Variants in LSAMP observed in about 807,000 individuals in gnomAD.
LSAMP encodes the protein limbic system-associated membrane protein.
A neutral mutation model predicts 38.6 loss-of-function variants in LSAMP; 7 were observed. The observed-to-expected ratio is 0.18, with a 90% CI of 0.10 to 0.34. The LOEUF (loss-of-function observed/expected upper bound fraction) is 0.34. Ranked by LOEUF, LSAMP falls within the 10% of genes least tolerant of loss-of-function variation. The pLI, the probability that LSAMP is intolerant of heterozygous loss-of-function variation, is 1.00. For synonymous variants in LSAMP, 154 were observed against 166.8 expected (o/e 0.92, Z 0.59); for missense variants, 313 against 420.0 (o/e 0.75, Z 2.23).
At chr3:116,037,271 G>A (rs527504529) in intron 2 of LSAMP, among the ~76,000 whole-genome samples, 63 of 152,206 alleles carry the variant, frequency 4.1e-4, no homozygotes, top group African/African-American at 1.5e-3. Flanking sequence ...TATATTTCTA[G>A]TACAGAAGCT....
chr3:116,072,229 C>A (rs1037576876), intron 2 of LSAMP, among the ~76,000 whole-genome samples: 1 of 152,138 alleles, frequency 6.6e-6, no homozygotes, highest in Non-Finnish European at 1.5e-5. Context: ...CCCACCTCGG[C>A]CTCCCAAAGT....
chr3:116,383,737 G>T (rs2048591515), intron 1 of LSAMP, among the ~76,000 whole-genome samples: 1 of 152,114 alleles, frequency 6.6e-6, no homozygotes, highest in Admixed American at 6.5e-5. Flanking sequence ...TAGAAAAGTA[G>T]ATATAAAGTA....
chr3:115,986,144 A>G (rs1939503329), intron 3 of LSAMP, among the ~76,000 whole-genome samples: 1 of 152,182 alleles, frequency 6.6e-6, no homozygotes, highest in South Asian at 2.1e-4. Context: ...GAATTTTAAA[A>G]GACTTAGAAT....
intron 6 of LSAMP, among the ~76,000 whole-genome samples, chr3:115,830,998 A>G (rs955611088): frequency 6.6e-6 from 1 of 152,118 alleles, no homozygotes; most frequent in Non-Finnish European, 1.5e-5. Flanking sequence ...TGTGGTTTGG[A>G]TTTTAATTTC....
At chr3:116,166,386 TGTC>T (rs1176853521) in intron 1 of LSAMP, among the ~76,000 whole-genome samples, 1 of 152,240 alleles carries the variant, frequency 6.6e-6, no homozygotes, top group African/African-American at 2.4e-5. Flanking sequence ...TTCAGTGACT[TGTC>T]TGTATCCACA....
chr3:115,989,730 G>A (rs538506376), intron 3 of LSAMP, among the ~76,000 whole-genome samples: 5 of 151,986 alleles, frequency 3.3e-5, no homozygotes, highest in Non-Finnish European at 5.9e-5. Flanking sequence ...CTTAGTCTCC[G>A]GAATTATTGT....
intron 3 of LSAMP, among the ~76,000 whole-genome samples, chr3:115,868,602 T>C (rs1199511916): frequency 1.3e-5 from 2 of 152,096 alleles, no homozygotes; most frequent in Non-Finnish European, 2.9e-5. Context: ...TATTTTTCAC[T>C]AAAGAGTTGA....
chr3:116,152,991 A>C (rs1160301118), intron 1 of LSAMP, among the ~76,000 whole-genome samples: 5 of 152,030 alleles, frequency 3.3e-5, no homozygotes, highest in African/African-American at 1.2e-4. Flanking sequence ...ACTCAAAAGG[A>C]GATTAGAATT....
intron 6 of LSAMP, among the ~76,000 whole-genome samples, chr3:115,818,730 AATTTATATATATATAT>A (rs1934111925): frequency 7.3e-6 from 1 of 137,412 alleles, no homozygotes; most frequent in Non-Finnish European, 1.6e-5. Context: ...AAGTCCAAAG[AATTTATATATATATAT>A]AATAAATTAT....
chr3:116,415,097 A>T (rs2049031600), intron 1 of LSAMP, among the ~76,000 whole-genome samples: 1 of 152,078 alleles, frequency 6.6e-6, no homozygotes, highest in South Asian at 2.1e-4. Flanking sequence ...AACGAAAAAA[A>T]AAATCTGCTT....
intron 4 of LSAMP, among the ~76,000 whole-genome samples, chr3:115,848,104 G>GGT (rs1935218265): frequency 6.6e-6 from 1 of 152,190 alleles, no homozygotes; most frequent in Non-Finnish European, 1.5e-5. Context: ...AACTAAAGAT[G>GGT]AGCATGGAGA....
rs117301303 is a variant in LSAMP, at chr3:116,275,730, G to T, written c.155+169147C>A. On this transcript the variant is annotated intron_variant, in intron 1 of 6. Transcript: ENST00000490035. ...CTAAATCATTGCTAGCAATAATGAG[G>T]TTGTCTACACTCCCCTTCTCTCCTC... Among the ~76,000 whole-genome samples the T allele has an allele frequency of 2.0e-3, 302 of 152,158 alleles. 4 individuals carry two copies. In the East Asian group the frequency reaches 0.052, roughly 26 times the overall value.
intron 1 of LSAMP, among the ~76,000 whole-genome samples, chr3:116,099,004 T>G (rs1302967399): frequency 6.6e-6 from 1 of 152,188 alleles, no homozygotes; most frequent in Non-Finnish European, 1.5e-5. Context: ...CATAAAGCAC[T>G]AACGCTGGTA....
chr3:116,117,741 G>C (rs1289065600), intron 1 of LSAMP, among the ~76,000 whole-genome samples: 1 of 151,954 alleles, frequency 6.6e-6, no homozygotes, highest in East Asian at 1.9e-4. Context: ...GATTAGACTA[G>C]GGCTATGTGT....
chr3:116,004,001 G>A (rs921561960), intron 3 of LSAMP, among the ~76,000 whole-genome samples: 7 of 152,190 alleles, frequency 4.6e-5, no homozygotes, highest in African/African-American at 1.7e-4. Context: ...TGATGGTGCA[G>A]ATGTCAAGAT....
chr3:116,095,341 CT>C (rs1708204830), intron 1 of LSAMP, among the ~76,000 whole-genome samples: 1 of 152,192 alleles, frequency 6.6e-6, no homozygotes, highest in Non-Finnish European at 1.5e-5. Context: ...TGCTTTTTGT[CT>C]CTTACTATCA....
intron 3 of LSAMP, among the ~76,000 whole-genome samples, chr3:115,855,047 G>C (rs1190680443): frequency 6.6e-6 from 1 of 152,190 alleles, no homozygotes; most frequent in African/African-American, 2.4e-5. Flanking sequence ...GTCAGTAGAA[G>C]AAGGAGAGAA....
At chr3:115,897,369 A>T (rs982459905) in intron 3 of LSAMP, among the ~76,000 whole-genome samples, 11 of 151,826 alleles carry the variant, frequency 7.2e-5, no homozygotes, top group South Asian at 2.1e-4. Flanking sequence ...GATTTTTTTT[A>T]AAAAAGCTTG....
intron 1 of LSAMP, among the ~76,000 whole-genome samples, chr3:116,325,158 C>A (rs1020093263): frequency 6.6e-6 from 1 of 151,230 alleles, no homozygotes. Flanking sequence ...GAGATGAGGT[C>A]TCACTATGTT....
Sources: allele counts gnomAD v4.1 joint callset (sites outside exome capture counted in the v4.1 genomes callset), GRCh38; gene constraint gnomAD v4.1.1; transcripts MANE v1.5; gene names NCBI Gene and HGNC (gene_info 2026-07-23, HGNC 2026-07-21).